The following NRG3 variants were observed in gnomAD, a reference collection of about 807,000 sequenced individuals.
NRG3 encodes the protein neuregulin 3, also known as pro-neuregulin-3, membrane-bound isoform.
In NRG3, 31 loss-of-function variants were observed where a neutral mutation model predicts 66.9. The ratio of observed to expected loss-of-function variants is 0.46; its 90% CI spans 0.35 to 0.63. NRG3 has a LOEUF of 0.63. Ranked by LOEUF, NRG3 falls within the 20% of genes least tolerant of loss-of-function variation. The pLI is 0.00. For synonymous variants in NRG3, 393 were observed against 359.4 expected (o/e 1.09, Z -1.06); for missense variants, 910 against 878.9 (o/e 1.04, Z -0.45).
At chr10:82,631,828 G>A (rs575603760) in intron 2 of NRG3, among the ~76,000 whole-genome samples, 1 of 152,208 alleles carries the variant, frequency 6.6e-6, no homozygotes, top group South Asian at 2.1e-4. Context: ...ATGGCCAGGT[G>A]TGGTGGCTCA....
chr10:82,015,736 G>A (rs7913624), intron 1 of NRG3, among the ~76,000 whole-genome samples: 75,727 of 151,464 alleles, frequency 0.5, 19,529 homozygotes, highest in Admixed American at 0.62. Context: ...ATGAAAATGG[G>A]CTAATACATC....
At chr10:82,430,145 T>A (rs1185541713) in intron 2 of NRG3, among the ~76,000 whole-genome samples, 1 of 152,194 alleles carries the variant, frequency 6.6e-6, no homozygotes. Context: ...GGTCATTCAA[T>A]GTCTTTTTCT....
At chr10:82,675,629 T>C (rs1398088967) in intron 2 of NRG3, among the ~76,000 whole-genome samples, 1 of 152,174 alleles carries the variant, frequency 6.6e-6, no homozygotes, top group Non-Finnish European at 1.5e-5. Flanking sequence ...TCTCATTAGC[T>C]TTACAAAAGT....
At chr10:82,546,280 T>G (rs903982485) in intron 2 of NRG3, among the ~76,000 whole-genome samples, 1 of 152,224 alleles carries the variant, frequency 6.6e-6, no homozygotes, top group African/African-American at 2.4e-5. Flanking sequence ...TGAACTACAC[T>G]AGATTTCTTT....
intron 2 of NRG3, among the ~76,000 whole-genome samples, chr10:82,460,754 C>A (rs185013215): frequency 1.3e-4 from 20 of 152,278 alleles, no homozygotes; most frequent in African/African-American, 4.3e-4. Flanking sequence ...CAGGGGTCTG[C>A]AGTCCCTGTG....
At chr10:82,711,057 C>G (rs934297320) in intron 2 of NRG3, among the ~76,000 whole-genome samples, 7 of 152,074 alleles carry the variant, frequency 4.6e-5, no homozygotes, top group Non-Finnish European at 8.8e-5. Context: ...CAGTCCTGAG[C>G]TATTTTGCTC....
chr10:82,260,175 T>C (rs1276445111), intron 1 of NRG3, among the ~76,000 whole-genome samples: 3 of 152,196 alleles, frequency 2.0e-5, no homozygotes, highest in Admixed American at 2.0e-4. Context: ...CTAAAGGGCT[T>C]AGTAATTCAC....
At chr10:82,259,429 A>T (rs1363555117) in intron 1 of NRG3, among the ~76,000 whole-genome samples, 2 of 152,280 alleles carry the variant, frequency 1.3e-5, no homozygotes, top group African/African-American at 4.8e-5. Flanking sequence ...GTCTGTGCAG[A>T]GTAACCTTGA....
intron 1 of NRG3, among the ~76,000 whole-genome samples, chr10:82,189,032 TTAAG>T (rs2133324674): frequency 6.6e-6 from 1 of 152,254 alleles, no homozygotes; most frequent in South Asian, 2.1e-4. Flanking sequence ...CATGAAATAA[TTAAG>T]TAAACTGGAT....
At chr10:82,435,408 C>G (rs2090072518) in intron 2 of NRG3, among the ~76,000 whole-genome samples, 1 of 152,026 alleles carries the variant, frequency 6.6e-6, no homozygotes, top group Non-Finnish European at 1.5e-5. Context: ...CTCCTGGACT[C>G]ATTGATTTTT....
intron 2 of NRG3, among the ~76,000 whole-genome samples, chr10:82,484,930 A>G (rs1375348364): frequency 6.6e-6 from 1 of 152,188 alleles, no homozygotes; most frequent in Non-Finnish European, 1.5e-5. Context: ...TTTTTCCAGA[A>G]TACTCACTAC....
intron 1 of NRG3, among the ~76,000 whole-genome samples, chr10:82,140,852 A>G (rs2069722949): frequency 6.6e-6 from 1 of 152,172 alleles, no homozygotes; most frequent in African/African-American, 2.4e-5. Flanking sequence ...AATGTCTCTT[A>G]GGGCGATTTT....
intron 2 of NRG3, among the ~76,000 whole-genome samples, chr10:82,509,438 C>A (rs2132428350): frequency 6.6e-6 from 1 of 152,248 alleles, no homozygotes; most frequent in South Asian, 2.1e-4. Flanking sequence ...TCTTCAGTAA[C>A]CACAGCTTGC....
At chr10:82,752,135 A>G (rs2058891168) in intron 3 of NRG3, among the ~76,000 whole-genome samples, 1 of 152,174 alleles carries the variant, frequency 6.6e-6, no homozygotes, top group African/African-American at 2.4e-5. Flanking sequence ...GTATTCACCC[A>G]ATGTCTATGA....
intron 1 of NRG3, among the ~76,000 whole-genome samples, chr10:82,261,759 A>C (rs2078043769): frequency 6.6e-6 from 1 of 152,206 alleles, no homozygotes; most frequent in Non-Finnish European, 1.5e-5. Context: ...CAGATCACTC[A>C]TGCTATTTTT....
At chr10:82,309,475 A>C (rs1267981390) in intron 1 of NRG3, among the ~76,000 whole-genome samples, 1 of 152,116 alleles carries the variant, frequency 6.6e-6, no homozygotes, top group Non-Finnish European at 1.5e-5. Context: ...ACAAAAAAAA[A>C]AAAATAGGTT....
intron 2 of NRG3, among the ~76,000 whole-genome samples, chr10:82,676,371 A>ACTCTAAAGGTGAAAGGACAT (rs1410661284): frequency 1.3e-5 from 2 of 152,106 alleles, no homozygotes; most frequent in Non-Finnish European, 2.9e-5. Context: ...ATTCTTTGTA[A>ACTCTAAAGGTGAAAGGACAT]CTCTAAAGGT....
intron 2 of NRG3, among the ~76,000 whole-genome samples, chr10:82,361,142 G>A (rs774016282): frequency 2.0e-5 from 3 of 152,156 alleles, no homozygotes; most frequent in Non-Finnish European, 1.5e-5. Context: ...CTTTGCTTTT[G>A]TGAGATGCAT....
chr10:82,943,833 A>G (rs918023082), intron 4 of NRG3, among the ~76,000 whole-genome samples: 2 of 152,228 alleles, frequency 1.3e-5, no homozygotes, highest in Admixed American at 1.3e-4. Flanking sequence ...TTTAAAATAT[A>G]GAAAGATGAA....
Sources: gnomAD v4.1 joint callset for allele counts (sites outside exome capture counted in the v4.1 genomes callset) on GRCh38, gnomAD v4.1.1 for gene constraint, MANE v1.5 for transcripts, NCBI Gene and HGNC (gene_info 2026-07-23, HGNC 2026-07-21) for gene names.